Variants in TEAD1 observed in about 807,000 individuals in gnomAD.
TEAD1 encodes transcriptional enhancer factor TEF-1.
In TEAD1, 9 loss-of-function variants were observed where a neutral mutation model predicts 54.9. The ratio of observed to expected loss-of-function variants is 0.16; its 90% CI spans 0.10 to 0.29. The LOEUF (loss-of-function observed/expected upper bound fraction) is 0.29. Among genes scored for constraint, TEAD1 ranks in the 10% least tolerant of loss-of-function variants. TEAD1 has a pLI of 1.00. For synonymous variants in TEAD1, 200 were observed against 187.8 expected, an observed-to-expected ratio of 1.07 and a Z score of -0.53; for missense variants, 387 against 535.9, an observed-to-expected ratio of 0.72 and a Z score of 2.74.
intron 2 of TEAD1, among the ~76,000 whole-genome samples, chr11:12,690,047 T>C (rs1590054680): frequency 6.6e-6 from 1 of 151,944 alleles, no homozygotes; most frequent in East Asian, 1.9e-4. Context: ...GAGACCATCC[T>C]GGCTAACATA....
Position 12,706,190 on chromosome 11 carries a change from C to T in TEAD1, c.-55+30629C>T, listed in dbSNP as rs142989853. Among the ~76,000 whole-genome samples, 29 of 152,288 alleles carry T rather than the reference C, an allele frequency of 1.9e-4. No individual in the cohort carries two copies. The East Asian group carries it at 5.6e-3, about 29-fold the overall frequency. The stretch of plus-strand genomic sequence containing the variant: ...GATTTTTAGAGCTGACCTCACTGAA[C>T]ATTGAATTATAAGATACATTTTAAC... On this transcript the variant is annotated intron_variant, in intron 2 of 12. Coordinates refer to ENST00000527636, the MANE Select transcript of TEAD1 (RefSeq NM_021961.6).
chr11:12,779,256 C>T (rs1420483054), intron 3 of TEAD1, among the ~76,000 whole-genome samples: 5 of 152,260 alleles, frequency 3.3e-5, no homozygotes, highest in Non-Finnish European at 4.4e-5. Flanking sequence ...ACTAAGTAAA[C>T]TCTCACTGTA....
chr11:12,843,615 C>A (rs1228697732), intron 3 of TEAD1, among the ~76,000 whole-genome samples: 1 of 152,176 alleles, frequency 6.6e-6, no homozygotes, highest in East Asian at 1.9e-4. Flanking sequence ...GATTGTTATT[C>A]ACAAAAGCTA....
chr11:12,896,484 C>CG (rs1272909359), intron 9 of TEAD1, among the ~76,000 whole-genome samples: 1 of 152,164 alleles, frequency 6.6e-6, no homozygotes, highest in Admixed American at 6.5e-5. Context: ...AAAGAGTATT[C>CG]TACTTTCATG....
At chr11:12,875,885 A>G (rs1947845238) in intron 5 of TEAD1, among the ~76,000 whole-genome samples, 1 of 152,226 alleles carries the variant, frequency 6.6e-6, no homozygotes, top group East Asian at 1.9e-4. Flanking sequence ...CATAGCTACA[A>G]ATACCTTTAA....
At chr11:12,684,119 C>T (rs566204197) in intron 2 of TEAD1, among the ~76,000 whole-genome samples, 3 of 152,232 alleles carry the variant, frequency 2.0e-5, no homozygotes, top group East Asian at 3.9e-4. Context: ...GAATCTGAGC[C>T]GGATTCCTGG....
rs199521412 is a variant in TEAD1 at position 12,764,926 on chromosome 11, C to CTT, written c.202+503_202+504dup. The stretch of plus-strand genomic sequence containing the variant: ...ATCTACTCTTTTTAAAAAGCCAGCA[C>CTT]TTTTTTTTTTTTAAAACAACTCTGT... On this transcript the variant is annotated intron_variant, in intron 3 of 12. Transcript: ENST00000527636. 3.5e-5 allele frequency among the ~76,000 whole-genome samples: 5 copies of CTT among 143,194 alleles called. No individual in the cohort carries two copies. In the East Asian group the frequency reaches 6.1e-4, roughly 17 times the overall value. 93.9% of individuals were successfully genotyped at this position (143,194 alleles called of 152,430 possible). A position where few individuals can be genotyped will look rare whatever the true frequency, so the allele number is the denominator to read the frequency against.
At chr11:12,832,967 C>T (rs1030526801) in intron 3 of TEAD1, among the ~76,000 whole-genome samples, 4 of 152,202 alleles carry the variant, frequency 2.6e-5, no homozygotes, top group Admixed American at 2.0e-4. Context: ...TTTCATCTTC[C>T]GAAATTATGC....
intron 2 of TEAD1, among the ~76,000 whole-genome samples, chr11:12,682,609 T>C (rs1191862072): frequency 6.6e-6 from 1 of 152,168 alleles, no homozygotes; most frequent in Non-Finnish European, 1.5e-5. Flanking sequence ...TTTCCTTCCT[T>C]GTCTCTTCCC....
At chr11:12,777,897 A>G (rs1945464280) in intron 3 of TEAD1, among the ~76,000 whole-genome samples, 1 of 152,214 alleles carries the variant, frequency 6.6e-6, no homozygotes, top group Admixed American at 6.5e-5. Flanking sequence ...GAACATACGC[A>G]TTGTGATAGG....
intron 2 of TEAD1, among the ~76,000 whole-genome samples, chr11:12,756,342 A>C (rs1244297125): frequency 2.6e-5 from 4 of 152,140 alleles, no homozygotes; most frequent in Non-Finnish European, 5.9e-5. Context: ...TTCCCTGAGA[A>C]TTCTGCCCTG....
intron 2 of TEAD1, among the ~76,000 whole-genome samples, chr11:12,747,473 T>C (rs1298125349): frequency 2.0e-5 from 3 of 152,160 alleles, no homozygotes; most frequent in Non-Finnish European, 4.4e-5. Flanking sequence ...TAGCTGGGAT[T>C]ATAGGCACCC....
At chr11:12,689,846 T>C (rs1943416037) in intron 2 of TEAD1, among the ~76,000 whole-genome samples, 1 of 152,084 alleles carries the variant, frequency 6.6e-6, no homozygotes. Context: ...CTAGTTGTCA[T>C]ACCGTTTCAT....
intron 2 of TEAD1, among the ~76,000 whole-genome samples, chr11:12,740,746 C>T (rs1257335739): frequency 1.3e-5 from 2 of 152,120 alleles, no homozygotes; most frequent in South Asian, 4.1e-4. Context: ...ATTCAGTTGC[C>T]TCCCACCAGG....
chr11:12,751,873 G>C (rs903760265), intron 2 of TEAD1, among the ~76,000 whole-genome samples: 2 of 152,198 alleles, frequency 1.3e-5, no homozygotes, highest in African/African-American at 4.8e-5. Flanking sequence ...AGCACTCTCT[G>C]AGGGGCCTGC....
chr11:12,918,321 A>G (rs1176163647), intron 10 of TEAD1, among the ~76,000 whole-genome samples: 1 of 149,874 alleles, frequency 6.7e-6, no homozygotes, highest in Non-Finnish European at 1.5e-5. Context: ...ATATATATAT[A>G]AAATTATATA....
At chr11:12,821,270 T>C (rs753542850) in intron 3 of TEAD1, among the ~76,000 whole-genome samples, 2 of 152,240 alleles carry the variant, frequency 1.3e-5, no homozygotes, top group Non-Finnish European at 2.9e-5. Flanking sequence ...CCATTTCTTA[T>C]ATGAAAACGA....
chr11:12,931,419 A>G (rs1949008612), intron 12 of TEAD1, among the ~76,000 whole-genome samples: 2 of 152,246 alleles, frequency 1.3e-5, no homozygotes, highest in South Asian at 4.1e-4. Context: ...GAGGGGCAAC[A>G]AGGCTATACT....
chr11:12,920,402 C>T (rs1397503836), intron 10 of TEAD1, among the ~76,000 whole-genome samples: 9 of 152,094 alleles, frequency 5.9e-5, no homozygotes, highest in Admixed American at 2.6e-4. Flanking sequence ...TTTTTAAAAA[C>T]AATCTATTTA....
Sources: gnomAD v4.1 joint callset for allele counts (sites outside exome capture counted in the v4.1 genomes callset) on GRCh38, gnomAD v4.1.1 for gene constraint, MANE v1.5 for transcripts, NCBI Gene and HGNC (gene_info 2026-07-23, HGNC 2026-07-21) for gene names.